EPHA6: variants seen among roughly 807,000 people sequenced by gnomAD.
EPHA6 encodes the protein EPH receptor A6, also known as ephrin type-A receptor 6.
A neutral mutation model predicts 112.0 loss-of-function variants in EPHA6; 50 were observed. That is an observed-to-expected ratio of 0.45 (90% CI 0.36 to 0.56). The LOEUF is 0.56. EPHA6 is among the 20% of genes least tolerant of loss of function. EPHA6 has a pLI of 0.00. For synonymous variants in EPHA6, 529 were observed against 490.7 expected (o/e 1.08, Z -1.03); for missense variants, 1,280 against 1,417.4 (o/e 0.90, Z 1.56).
chr3:97,063,030 T>C lies in EPHA6; in HGVS notation c.1114+75037T>C, dbSNP rs117465112. 2.3e-3 allele frequency among the ~76,000 whole-genome samples: 351 copies of C among 152,048 alleles called. 8 individuals carry two copies. The East Asian group carries it at 0.062, about 27-fold the overall frequency. On this transcript the variant is annotated intron_variant, in intron 3 of 17. Coordinates refer to ENST00000389672, the MANE Select transcript of EPHA6 (RefSeq NM_001080448.3). ...CCTCTCATACCAGTCAGAATGGCTA[T>C]TACTAAAAAGTCAAAAGCAACAGAT...
chr3:97,712,917 T>A (rs1293052237), intron 14 of EPHA6, among the ~76,000 whole-genome samples: 4 of 152,148 alleles, frequency 2.6e-5, no homozygotes, highest in African/African-American at 7.2e-5. Flanking sequence ...TAGTTAAGAA[T>A]TTTTTTAGCA....
At chr3:96,945,887 T>G (rs2041229746) in intron 2 of EPHA6, among the ~76,000 whole-genome samples, 1 of 152,160 alleles carries the variant, frequency 6.6e-6, no homozygotes, top group South Asian at 2.1e-4. Context: ...CTTTTTGTTG[T>G]ACATGCTATG....
intron 7 of EPHA6, among the ~76,000 whole-genome samples, chr3:97,460,758 TC>T (rs1333070815): frequency 1.3e-5 from 2 of 152,048 alleles, no homozygotes; most frequent in African/African-American, 2.4e-5. Context: ...AAGAAGACCA[TC>T]CCAGCTCCAG....
At chr3:97,091,014 G>A (rs1278266620) in intron 3 of EPHA6, among the ~76,000 whole-genome samples, 1 of 152,036 alleles carries the variant, frequency 6.6e-6, no homozygotes, top group East Asian at 1.9e-4. Context: ...TATTTAGCAG[G>A]TGCAGCCATT....
At chr3:97,539,124 CTTTT>C (rs1162289555) in intron 11 of EPHA6, among the ~76,000 whole-genome samples, 1 of 124,020 alleles carries the variant, frequency 8.1e-6, no homozygotes, top group South Asian at 2.6e-4. Context: ...TTCTTTCTTT[CTTTT>C]TCTTTCTTTC....
At chr3:97,484,877 G>T (rs750081180) in intron 10 of EPHA6, among the ~76,000 whole-genome samples, 58 of 152,132 alleles carry the variant, frequency 3.8e-4, no homozygotes. Flanking sequence ...CTGTCTCTCT[G>T]GTTTTGCTTT....
intron 3 of EPHA6, among the ~76,000 whole-genome samples, chr3:97,021,824 G>T (rs1314500515): frequency 6.6e-6 from 1 of 152,130 alleles, no homozygotes; most frequent in Non-Finnish European, 1.5e-5. Flanking sequence ...GCATTTTGGG[G>T]ACACAATGTA....
At chr3:97,640,655 C>T (rs2093994540) in intron 14 of EPHA6, among the ~76,000 whole-genome samples, 1 of 152,146 alleles carries the variant, frequency 6.6e-6, no homozygotes, top group Admixed American at 6.5e-5. Context: ...TGGCGCATGC[C>T]TGTAATCCTG....
chr3:97,161,236 G>A (rs1299259414), intron 3 of EPHA6, among the ~76,000 whole-genome samples: 2 of 152,094 alleles, frequency 1.3e-5, no homozygotes, highest in African/African-American at 4.8e-5. Context: ...CCCAACATTA[G>A]GCCAAAAGCT....
At chr3:97,612,938 G>A (rs2093732718) in intron 13 of EPHA6, among the ~76,000 whole-genome samples, 1 of 152,066 alleles carries the variant, frequency 6.6e-6, no homozygotes, top group African/African-American at 2.4e-5. Flanking sequence ...AAAAAGCCAT[G>A]CTCTCATGCG....
intron 2 of EPHA6, among the ~76,000 whole-genome samples, chr3:96,883,890 T>G (rs1217677433): frequency 6.6e-6 from 1 of 152,152 alleles, no homozygotes; most frequent in Admixed American, 6.5e-5. Context: ...CAGGCTGGTC[T>G]TGAACTCCTG....
At chr3:97,642,120 G>A (rs994092671) in intron 14 of EPHA6, among the ~76,000 whole-genome samples, 1 of 132,406 alleles carries the variant, frequency 7.6e-6, no homozygotes, top group Admixed American at 7.8e-5. Context: ...CTCCACAAGT[G>A]GGTACCTGAC....
In EPHA6 at chr3:97,746,204, A is replaced by G. The variant is rs561362360; in HGVS notation, c.3129-1219A>G. ...ATATTCCAATAAAAATAACTCAGTG[A>G]TTCACTTCTAATAAGGAAGTTTTTC... On this transcript the variant is annotated intron_variant, in intron 16 of 17. Transcript: ENST00000389672. Among the ~76,000 whole-genome samples the G allele has an allele frequency of 5.3e-5, 8 of 151,970 alleles. No individual in the cohort carries two copies. The South Asian group carries it at 1.7e-3, about 32-fold the overall frequency.
At chr3:97,341,361 C>CT (rs1193529314) in intron 5 of EPHA6, among the ~76,000 whole-genome samples, 124 of 144,826 alleles carry the variant, frequency 8.6e-4, no homozygotes, top group African/African-American at 1.1e-3. Flanking sequence ...CTTTTCTTTC[C>CT]TTTTTTTTTT....
chr3:96,860,093 A>G (rs2107422229), intron 1 of EPHA6, among the ~76,000 whole-genome samples: 1 of 152,274 alleles, frequency 6.6e-6, no homozygotes, highest in African/African-American at 2.4e-5. Context: ...GAGTTTAAAT[A>G]TAACAGAGAC....
chr3:96,981,053 G>T lies in EPHA6; in HGVS notation c.451-6277G>T, dbSNP rs190643414. Among the ~76,000 whole-genome samples the T allele has an allele frequency of 1.5e-3, 226 of 152,184 alleles. 1 individual carries two copies. Among genetic ancestry groups the T allele is most frequent in the African/African-American group, 5.3e-3 (219 of 41,536 alleles). On this transcript the variant is annotated intron_variant, in intron 2 of 17. Coordinates refer to ENST00000389672, the MANE Select transcript of EPHA6 (RefSeq NM_001080448.3). ...TGAATACCCTTTATTTCTTTCTTCTGCCTAATTGCCCTGGCCAGAACTTCC... is the reference window on the plus strand; with the variant it reads ...TGAATACCCTTTATTTCTTTCTTCTTCCTAATTGCCCTGGCCAGAACTTCC...
chr3:97,328,054 C>CACACATATATAT (rs372533674), intron 5 of EPHA6, among the ~76,000 whole-genome samples: 15 of 120,874 alleles, frequency 1.2e-4, no homozygotes, highest in African/African-American at 5.8e-4. Flanking sequence ...CATATATACA[C>CACACATATATAT]ATATATATAT....
intron 2 of EPHA6, among the ~76,000 whole-genome samples, chr3:96,963,036 C>T (rs574311420): frequency 1.2e-3 from 181 of 151,946 alleles, no homozygotes; most frequent in African/African-American, 4.2e-3. Flanking sequence ...TGCCTGTAGT[C>T]CCAGCTACTT....
intron 15 of EPHA6, among the ~76,000 whole-genome samples, chr3:97,723,253 G>A (rs1034865884): frequency 6.6e-6 from 1 of 152,108 alleles, no homozygotes; most frequent in Non-Finnish European, 1.5e-5. Flanking sequence ...GCCCAAATGT[G>A]TAGTTTTCAA....
Sources: allele counts gnomAD v4.1 joint callset (sites outside exome capture counted in the v4.1 genomes callset), GRCh38; gene constraint gnomAD v4.1.1; transcripts MANE v1.5; gene names NCBI Gene and HGNC (gene_info 2026-07-23, HGNC 2026-07-21).